Variants in OSBPL7 observed in about 807,000 individuals in gnomAD.
The protein encoded by OSBPL7 is oxysterol-binding protein-related protein 7.
A neutral mutation model predicts 115.8 loss-of-function variants in OSBPL7; 66 were observed. The ratio of observed to expected loss-of-function variants is 0.57; its 90% CI spans 0.47 to 0.70. The LOEUF is 0.70. OSBPL7 is among the 30% of genes least tolerant of loss of function. The pLI is 0.00. For missense variants in OSBPL7, 902 were observed against 1,125.5 expected (o/e 0.80, Z 2.84); for synonymous variants, 441 against 439.2 (o/e 1.00, Z -0.05).
rs1293505450 is a variant in OSBPL7, at chr17:47,816,868, G to A, written c.707C>T (p.Ser236Leu). 6.2e-7 allele frequency: 1 copy of A among 1,613,840 alleles called. No homozygotes were observed. The highest frequency in any genetic ancestry group is 2.2e-5 in the East Asian group (1 of 44,894). Residue 236 changes from serine (S) to leucine (L), a missense_variant, in exon 9 of 23, where the codon TCA becomes TTA. Coordinates refer to ENST00000007414, the MANE Select transcript of OSBPL7 (RefSeq NM_145798.3). The surrounding 1 kb of genome is among the most constrained non-coding windows in gnomAD (Gnocchi z 5.8). ...CTTCTTGGGTCTTTCGGTTGTCACT[G>A]AGGCCTGGCAAGTCAAGGTGGGGGC... ...SAPVIPTHQASVTTERPKKGK... is the reference protein window; with the variant it reads ...SAPVIPTHQALVTTERPKKGK...
In OSBPL7 at chr17:47,808,855, G is replaced by A. The variant is rs374126880; in HGVS notation, c.2297+9C>T. 2.3e-5 allele frequency: 37 copies of A among 1,614,030 alleles called. 1 individual carries two copies. Among genetic ancestry groups the A allele is most frequent in the Admixed American group, 2.0e-4 (12 of 60,012 alleles). On this transcript the variant is annotated intron_variant, in intron 21 of 22. Transcript: ENST00000007414. The surrounding 1 kb of genome is among the most constrained non-coding windows in gnomAD (Gnocchi z 6.1). ...GATGGTTCTAGGCCGGCACCCATCC[G>A]GCACTGACCTCTGGTCTGGCCGGAG...
chr17:47,813,390 G>T lies in OSBPL7; in HGVS notation c.1613C>A (p.Ala538Asp). The change falls in exon 16 of 23, where the codon GCC (alanine) becomes GAC (aspartate). Residue 538 changes from alanine to aspartate, a missense_variant. By Grantham distance (126) the Ala-to-Asp change is moderately radical (BLOSUM62 -2). Around this residue, in one of 3 missense-constraint regions of OSBPL7, gnomAD observed 667 missense variants for 788.7 expected, o/e 0.85. Transcript: ENST00000007414. Reference sequence around the variant, plus strand: ...GGAGGAGTAGGCCGAGACAGCAAAGGCTGCGATGTACACCTGTGGGGGGCA... The same window carrying T: ...GGAGGAGTAGGCCGAGACAGCAAAGTCTGCGATGTACACCTGTGGGGGGCA... ...DPCERMVYIA[A>D]FAVSAYSSTY... is the part of the protein sequence containing the mutation. 1 of 1,613,982 alleles carries T rather than the reference G, an allele frequency of 6.2e-7. No homozygotes were observed. Among genetic ancestry groups the T allele is most frequent in the Non-Finnish European group, 8.5e-7 (1 of 1,180,042 alleles).
intron 4 of OSBPL7, 103 bp downstream of exon 4, chr17:47,819,625 TG>T: frequency 1.5e-6 from 2 of 1,372,758 alleles, no homozygotes; most frequent in Non-Finnish European, 2.1e-6. Context: ...GTGGTGGACC[TG>T]GGATTCAGAC....
rs2033186495 is a variant in OSBPL7 at position 47,815,529 on chromosome 17, A to C, written c.1120-177T>G. 8 of 736,920 alleles carry C rather than the reference A, an allele frequency of 1.1e-5. No homozygotes were observed. The East Asian group carries it at 2.2e-4, about 20-fold the overall frequency. 45.6% of individuals were successfully genotyped at this position (736,920 alleles called of 1,614,324 possible). On this transcript the variant is annotated intron_variant, in intron 12 of 22. Transcript: ENST00000007414. ...AGTGAGAGCGGGACAAAGGCATAGT[A>C]AAATGAGCCCTGGCCTGGGAGTGAG...
Position 47,818,362 on chromosome 17 carries a change from C to T in OSBPL7, c.505G>A (p.Ala169Thr), listed in dbSNP as rs1202529840. 1.2e-6 allele frequency: 2 copies of T among 1,614,020 alleles called. No homozygotes were observed. Among genetic ancestry groups the T allele is most frequent in the South Asian group, 2.2e-5 (2 of 91,062 alleles). The change falls in exon 7 of 23, where the codon GCA becomes ACA. Residue 169 changes from alanine to threonine, a missense_variant. Coordinates refer to ENST00000007414, the MANE Select transcript of OSBPL7 (RefSeq NM_145798.3). Reference sequence around the variant, plus strand: ...CCAGGTAGGGCTGAGGCAGTAGCTGCTGTTGGAAGCTGGGCACCAGGAACC... The same window carrying T: ...CCAGGTAGGGCTGAGGCAGTAGCTGTTGTTGGAAGCTGGGCACCAGGAACC... ...RKVPGAQLPT[A>T]ATASALPGLG... is the part of the protein sequence containing the mutation.
At position 47,808,356 on chromosome 17, in the gene OSBPL7, T is replaced by C; in HGVS notation, c.2464A>G (p.Asn822Asp). ...TCGGCCCGCAGCCTCCAGTAGGTATTGTTGGTCACCCACCACTCTTTCCCG... is the reference window on the plus strand; with the variant it reads ...TCGGCCCGCAGCCTCCAGTAGGTATCGTTGGTCACCCACCACTCTTTCCCG... ...SSGKEWWVTN[N>D]TYWRLRAEPG... The change falls in exon 23 of 23, where the codon AAT (asparagine) becomes GAT (aspartate). Residue 822 changes from asparagine (N) to aspartate (D), a missense_variant. By Grantham distance (23) the Asn-to-Asp change is conservative (BLOSUM62 1). Coordinates refer to ENST00000007414, the MANE Select transcript of OSBPL7 (RefSeq NM_145798.3). The surrounding 1 kb of genome is among the most constrained non-coding windows in gnomAD (Gnocchi z 6.1). The C allele has an allele frequency of 6.2e-7, 1 of 1,614,140 alleles. No homozygotes were observed. The highest frequency in any genetic ancestry group is 1.1e-5 in the South Asian group (1 of 91,084).
chr17:47,810,624 G>T lies in OSBPL7; in HGVS notation c.1850C>A (p.Pro617His). ...KFWGKSLEIV[P>H]VGTVNVSLPR... ...CAGGCTGACGTTGACTGTTCCCACA[G>T]GCACAATCTCCAGGGATTTGCCCCA... Residue 617 changes from proline (P) to histidine (H), a missense_variant, in exon 18 of 23, where the codon CCT becomes CAT. Physicochemically the swap from Pro to His is moderately conservative, Grantham distance 77. This residue lies in a region of OSBPL7 where 230 missense variants were observed against 312.7 expected (regional missense o/e 0.74). Transcript: ENST00000007414. The T allele has an allele frequency of 6.2e-7, 1 of 1,614,148 alleles. No homozygotes were observed. The highest frequency in any genetic ancestry group is 8.5e-7 in the Non-Finnish European group (1 of 1,180,012).
chr17:47,818,947 T>C (rs1314327251), intron 5 of OSBPL7, 39 bp downstream of exon 5: 1 of 1,541,026 alleles, frequency 6.5e-7, no homozygotes, highest in Non-Finnish European at 9.0e-7. Context: ...CTCTGTCAGG[T>C]TGGGGGCCAA....
rs538092236 is a variant in OSBPL7 at position 47,808,195 on chromosome 17, A to T, written c.*96T>A. ...GGGCTGCCCCTTTGGTCTCAAGGGC[A>T]GTGAGGCGGGGAGCCCGGCCTCACC... is the stretch of plus-strand genomic sequence containing the variant. On this transcript the variant is annotated 3_prime_UTR_variant, in exon 23 of 23. Coordinates refer to ENST00000007414, the MANE Select transcript of OSBPL7 (RefSeq NM_145798.3). This position sits in a 1 kb window ranked among gnomAD's most constrained non-coding sequence, Gnocchi z 6.1. 1.1e-6 allele frequency: 1 copy of T among 930,902 alleles called. No individual in the cohort carries two copies. Among genetic ancestry groups the T allele is most frequent in the East Asian group, 2.6e-5 (1 of 38,590 alleles). The allele number at this position is 930,902 out of a possible 1,614,324, so 57.7% of individuals were successfully genotyped here. A position where few individuals can be genotyped will look rare whatever the true frequency, so the allele number is the denominator to read the frequency against.
chr17:47,819,524 A>C, intron 4 of OSBPL7: 1 of 638,810 alleles, frequency 1.6e-6, no homozygotes. Flanking sequence ...TTACCATGAC[A>C]GCTCTGCACC....
At chr17:47,814,790 G>A in intron 13 of OSBPL7, 176 bp from the exon 14 acceptor site, 2 of 624,642 alleles carry the variant, frequency 3.2e-6, no homozygotes, top group Non-Finnish European at 2.8e-6. Context: ...ATCACGGAGT[G>A]TGCCCAGCCA....
chr17:47,807,946 C>A lies in OSBPL7; in HGVS notation c.*345G>T. ...GGAGCGTCAAGGAGTCCCCTGTGTC[C>A]TAGGAAGGCACTGAAATAGGGAACA... On this transcript the variant is annotated 3_prime_UTR_variant, in exon 23 of 23. Transcript: ENST00000007414. 1 of 323,912 alleles carries A rather than the reference C, an allele frequency of 3.1e-6. No homozygotes were observed. The highest frequency in any genetic ancestry group is 3.9e-5 in the South Asian group (1 of 25,682). 20.1% of individuals were successfully genotyped at this position (323,912 alleles called of 1,614,324 possible).
intron 16 of OSBPL7, 75 bp downstream of exon 16, chr17:47,813,191 C>T: frequency 1.3e-6 from 2 of 1,581,962 alleles, no homozygotes; most frequent in Non-Finnish European, 1.7e-6. Context: ...CCCTCTGCCC[C>T]AGTTCTGGTC....
In OSBPL7 at chr17:47,815,315, G is replaced by A. The variant is rs374221036; in HGVS notation, c.1157C>T (p.Pro386Leu). 16 of 1,613,866 alleles carry A rather than the reference G, an allele frequency of 9.9e-6. No individual in the cohort carries two copies. Among genetic ancestry groups the A allele is most frequent in the African/African-American group, 4.0e-5 (3 of 74,928 alleles). ...CAGGATGCTGGTCTGCGATAGCTGGGGGGTGAGCTCGCGCCCCTTCATGTA... is the reference window on the plus strand; with the variant it reads ...CAGGATGCTGGTCTGCGATAGCTGGAGGGTGAGCTCGCGCCCCTTCATGTA... Reference protein sequence around the residue: ...ALYMKGRELTPQLSQTSILSL... With the variant: ...ALYMKGRELTLQLSQTSILSL... The change falls in exon 13 of 23, where the codon CCC (proline) becomes CTC (leucine). Residue 386 changes from proline to leucine, a missense_variant. Coordinates refer to ENST00000007414, the MANE Select transcript of OSBPL7 (RefSeq NM_145798.3).
In OSBPL7 at chr17:47,808,863, C is replaced by T. The variant is rs1290434281; in HGVS notation, c.2297+1G>A. The T allele has an allele frequency of 6.2e-7, 1 of 1,614,234 alleles. No individual in the cohort carries two copies. The highest frequency in any genetic ancestry group is 1.1e-5 in the South Asian group (1 of 91,076). ...TAGGCCGGCACCCATCCGGCACTGA[C>T]CTCTGGTCTGGCCGGAGTCTCGTGT... On this transcript the variant is annotated splice_donor_variant, in intron 21 of 22. Transcript: ENST00000007414. LOFTEE classifies it high-confidence loss of function. The surrounding 1 kb of genome is among the most constrained non-coding windows in gnomAD (Gnocchi z 6.1).
intron 13 of OSBPL7, 55 bp from the exon 14 acceptor site, chr17:47,814,669 G>C: frequency 6.6e-7 from 1 of 1,521,420 alleles, no homozygotes; most frequent in Non-Finnish European, 9.1e-7. Flanking sequence ...GGGCAGCTGG[G>C]CAGTGCCCAG....
In OSBPL7 at chr17:47,813,409, G is replaced by C; in HGVS notation, c.1600-6C>G. ...GCAAAGGCTGCGATGTACACCTGTG[G>C]GGGGCAAGGAAGGTGCAGGGTACTG... On this transcript the variant is annotated splice_region_variant and splice_polypyrimidine_tract_variant and intron_variant, in intron 15 of 22. Transcript: ENST00000007414. The C allele has an allele frequency of 2.5e-6, 4 of 1,613,850 alleles. No homozygotes were observed. Among genetic ancestry groups the C allele is most frequent in the Non-Finnish European group, 3.4e-6 (4 of 1,180,014 alleles).
chr17:47,819,623 C>T (rs2033334278), intron 4 of OSBPL7, 106 bp downstream of exon 4: 5 of 1,342,792 alleles, frequency 3.7e-6, no homozygotes, highest in Admixed American at 1.7e-5. Flanking sequence ...AAGTGGTGGA[C>T]CTGGGATTCA....
intron 18 of OSBPL7, 43 bp downstream of exon 18, chr17:47,810,551 T>G: frequency 1.3e-6 from 2 of 1,558,804 alleles, no homozygotes; most frequent in Non-Finnish European, 1.8e-6. Context: ...CCTGAAGGAT[T>G]GCCTGTGGCT....
Sources: gnomAD v4.1 joint callset for allele counts on GRCh38, gnomAD v4.1.1 for gene constraint, gnomAD v4.1.1 regional missense constraint, Gnocchi (gnomAD v3.1) non-coding constraint, MANE v1.5 for transcripts, NCBI Gene and HGNC (gene_info 2026-07-23, HGNC 2026-07-21) for gene names.